FILIP1: variants seen among roughly 807,000 people sequenced by gnomAD.
FILIP1 encodes the protein filamin-A-interacting protein 1.
In FILIP1, 61 loss-of-function variants were observed where a neutral mutation model predicts 102.1. The ratio of observed to expected loss-of-function variants is 0.60; its 90% CI spans 0.49 to 0.74. FILIP1 has a LOEUF of 0.74. Among genes scored for constraint, FILIP1 ranks in the 30% least tolerant of loss-of-function variants. The probability of loss-of-function intolerance (pLI) is 0.00; values close to 1 mark genes in which losing one functional copy is unlikely to be tolerated. For synonymous variants in FILIP1, 491 were observed against 526.9 expected, an observed-to-expected ratio of 0.93 and a Z score of 0.93; for missense variants, 1,314 against 1,441.2, an observed-to-expected ratio of 0.91 and a Z score of 1.43.
At chr6:75,453,220 C>T (rs1048154244) in intron 1 of FILIP1, among the ~76,000 whole-genome samples, 2 of 152,188 alleles carry the variant, frequency 1.3e-5, no homozygotes, top group East Asian at 1.9e-4. Context: ...ACCCGAAGGC[C>T]TATCTTCTCC....
intron 2 of FILIP1, among the ~76,000 whole-genome samples, chr6:75,404,483 T>C (rs1343350201): frequency 6.6e-6 from 1 of 152,162 alleles, no homozygotes; most frequent in Non-Finnish European, 1.5e-5. Context: ...TATCCTCCTT[T>C]ACACGCAGGC....
At chr6:75,293,763 T>TTCAAATACTAATCTAATATA (rs1772598225) in exon 7 of FILIP1, 3 of 152,348 alleles carry the variant, frequency 2.0e-5, no homozygotes, top group Non-Finnish European at 4.4e-5. Context: ...AGTTATTTGC[T>TTCAAATACTAATCTAATATA]TCAAATACTA....
chr6:75,420,714 C>T (rs772350412), intron 1 of FILIP1, among the ~76,000 whole-genome samples: 2 of 152,144 alleles, frequency 1.3e-5, no homozygotes, highest in Admixed American at 6.5e-5. Flanking sequence ...CTTCAGGCCT[C>T]GTCTGACTAT....
At chr6:75,464,729 T>A (rs575854209) in intron 1 of FILIP1, among the ~76,000 whole-genome samples, 101 of 152,206 alleles carry the variant, frequency 6.6e-4, no homozygotes, top group Non-Finnish European at 1.2e-3. Context: ...CTTCTACTTC[T>A]ACGTTTAATA....
At chr6:75,338,094 A>G (rs928838642) in intron 4 of FILIP1, among the ~76,000 whole-genome samples, 3 of 152,210 alleles carry the variant, frequency 2.0e-5, no homozygotes, top group African/African-American at 7.2e-5. Flanking sequence ...GCATTTAAGA[A>G]TAAAATAAAT....
intron 5 of FILIP1, among the ~76,000 whole-genome samples, chr6:75,311,139 G>C (rs182875839): frequency 8.7e-4 from 132 of 152,132 alleles, no homozygotes; most frequent in Non-Finnish European, 1.0e-3. Context: ...AATAAATGAA[G>C]ACAATCACTG....
At chr6:75,469,852 T>C (rs1432468869) in intron 1 of FILIP1, among the ~76,000 whole-genome samples, 1 of 152,056 alleles carries the variant, frequency 6.6e-6, no homozygotes, top group Non-Finnish European at 1.5e-5. Context: ...AAGACAATTG[T>C]GATTATGTGT....
intron 4 of FILIP1, among the ~76,000 whole-genome samples, chr6:75,348,738 C>A (rs540110166): frequency 6.6e-6 from 1 of 152,124 alleles, no homozygotes; most frequent in African/African-American, 2.4e-5. Flanking sequence ...TGATAACTAC[C>A]CCAAATAGAA....
intron 4 of FILIP1, among the ~76,000 whole-genome samples, chr6:75,331,569 A>T (rs541859428): frequency 1.2e-4 from 19 of 152,276 alleles, no homozygotes; most frequent in African/African-American, 4.1e-4. Context: ...AAGGATGGGG[A>T]CATGGATGGA....
chr6:75,390,259 T>G (rs1212910973), intron 2 of FILIP1, among the ~76,000 whole-genome samples: 1 of 152,188 alleles, frequency 6.6e-6, no homozygotes, highest in African/African-American at 2.4e-5. Flanking sequence ...TGCTTCCAAA[T>G]AATTCTCTCT....
intron 2 of FILIP1, among the ~76,000 whole-genome samples, chr6:75,375,117 T>A (rs2808190): frequency 0.72 from 109,708 of 151,520 alleles, 39,828 homozygotes; most frequent in African/African-American, 0.81. Context: ...TGCAGCACAG[T>A]GTCTGTCACT....
At chr6:75,444,971 T>C (rs138691200) in intron 1 of FILIP1, among the ~76,000 whole-genome samples, 3 of 152,256 alleles carry the variant, frequency 2.0e-5, no homozygotes, top group African/African-American at 7.2e-5. Flanking sequence ...TGTGACTGAT[T>C]AAAGAGAACT....
chr6:75,305,529 C>T (rs1772962332), downstream of FILIP1, among the ~76,000 whole-genome samples: 1 of 152,168 alleles, frequency 6.6e-6, no homozygotes, highest in South Asian at 2.1e-4. Context: ...CCAGTCCTCA[C>T]TGGAAATACA....
chr6:75,307,812 A>G (rs1299273261), downstream of FILIP1, among the ~76,000 whole-genome samples: 1 of 152,214 alleles, frequency 6.6e-6, no homozygotes, highest in Non-Finnish European at 1.5e-5. Flanking sequence ...CAATTAAGAT[A>G]TGCATGATGT....
At chr6:75,364,274 T>C (rs959346761) in intron 2 of FILIP1, among the ~76,000 whole-genome samples, 5 of 152,190 alleles carry the variant, frequency 3.3e-5, no homozygotes, top group Admixed American at 2.6e-4. Flanking sequence ...TGTGTCTCCA[T>C]GCAGGTTGAA....
intron 4 of FILIP1, among the ~76,000 whole-genome samples, chr6:75,318,430 G>A (rs959373732): frequency 2.6e-5 from 4 of 151,598 alleles, no homozygotes; most frequent in South Asian, 2.1e-4. Context: ...AGACAGAGTC[G>A]CCCCGATGTC....
intron 4 of FILIP1, among the ~76,000 whole-genome samples, chr6:75,325,276 T>C (rs1260775223): frequency 6.6e-6 from 1 of 151,892 alleles, no homozygotes; most frequent in Non-Finnish European, 1.5e-5. Flanking sequence ...ATAAAAATTA[T>C]CTGGGTGTGG....
chr6:75,441,962 T>TGGCTGCGGGGC (rs938814619), intron 1 of FILIP1, among the ~76,000 whole-genome samples: 3 of 145,008 alleles, frequency 2.1e-5, no homozygotes, highest in African/African-American at 7.8e-5. Flanking sequence ...CCGGACGGGG[T>TGGCTGCGGGGC]GGCTGCGGGG....
chr6:75,370,781 T>G (rs1323668646), intron 2 of FILIP1, among the ~76,000 whole-genome samples: 1 of 151,982 alleles, frequency 6.6e-6, no homozygotes, highest in Non-Finnish European at 1.5e-5. Context: ...TTCACCATGT[T>G]GGCCAGGCTG....
Sources: allele counts gnomAD v4.1 joint callset (sites outside exome capture counted in the v4.1 genomes callset), GRCh38; gene constraint gnomAD v4.1.1; transcripts MANE v1.5; gene names NCBI Gene and HGNC (gene_info 2026-07-23, HGNC 2026-07-21).